Variants in SCAF8 observed in about 807,000 individuals in gnomAD.
SCAF8 encodes the protein SR-related and CTD-associated factor 8.
Under a neutral mutation model 140.5 loss-of-function variants are expected in SCAF8, and 23 were observed. The ratio of observed to expected loss-of-function variants is 0.16; its 90% CI spans 0.12 to 0.23. The LOEUF is 0.23. SCAF8 is among the 10% of genes least tolerant of loss of function. The pLI is 1.00. For synonymous variants in SCAF8, 575 were observed against 528.9 expected, an observed-to-expected ratio of 1.09 and a Z score of -1.20; for missense variants, 1,397 against 1,555.7, an observed-to-expected ratio of 0.90 and a Z score of 1.72.
At chr6:154,737,834 C>A (rs1778466123) in intron 1 of SCAF8, among the ~76,000 whole-genome samples, 1 of 152,114 alleles carries the variant, frequency 6.6e-6, no homozygotes, top group African/African-American at 2.4e-5. Flanking sequence ...CTGCCCACCT[C>A]CCCTCCCAAA....
intron 7 of SCAF8, among the ~76,000 whole-genome samples, 173 bp downstream of exon 7, chr6:154,802,320 T>C (rs189968176): frequency 4.7e-4 from 71 of 152,118 alleles, no homozygotes; most frequent in Non-Finnish European, 9.4e-4. Context: ...ATTAAGTAAT[T>C]AAAAAAATTT....
intron 1 of SCAF8, among the ~76,000 whole-genome samples, chr6:154,743,370 A>G (rs1481533478): frequency 6.6e-6 from 1 of 152,232 alleles, no homozygotes; most frequent in African/African-American, 2.4e-5. Context: ...TACAGCTTTA[A>G]GAATGTTTTC....
intron 1 of SCAF8, among the ~76,000 whole-genome samples, chr6:154,734,551 A>G (rs567240429): frequency 2.0e-5 from 3 of 152,332 alleles, no homozygotes; most frequent in African/African-American, 4.8e-5. Flanking sequence ...CTAATCCATC[A>G]CGACATAAAG....
chr6:154,809,028 G>A (rs1258555069), intron 11 of SCAF8, among the ~76,000 whole-genome samples: 1 of 152,088 alleles, frequency 6.6e-6, no homozygotes, highest in Non-Finnish European at 1.5e-5. Flanking sequence ...TCATGAGACA[G>A]GGATTTTGAA....
At chr6:154,737,429 C>A (rs1778452726) in intron 1 of SCAF8, among the ~76,000 whole-genome samples, 2 of 152,012 alleles carry the variant, frequency 1.3e-5, no homozygotes, top group South Asian at 4.1e-4. Context: ...TAATCCCATC[C>A]CTTTGGGAGG....
Position 154,742,009 on chromosome 6 carries a change from A to C in SCAF8, c.30+8079A>C, listed in dbSNP as rs1778582906. 6 of 1,532,456 alleles carry C rather than the reference A, an allele frequency of 3.9e-6. No individual in the cohort carries two copies. The East Asian group carries it at 1.5e-4, about 38-fold the overall frequency. The allele number at this position is 1,532,456 out of a possible 1,614,324, so 94.9% of individuals were successfully genotyped here. The stretch of plus-strand genomic sequence containing the variant: ...ACTGCTTTTCCAGCAGCATGGACAC[A>C]AGAAGCATAGTAAGATGATGATAAC... On this transcript the variant is annotated intron_variant, in intron 1 of 19. Transcript: ENST00000367178.
At chr6:154,737,141 C>T (rs1314555056) in intron 1 of SCAF8, among the ~76,000 whole-genome samples, 3 of 151,918 alleles carry the variant, frequency 2.0e-5, no homozygotes, top group Non-Finnish European at 4.4e-5. Context: ...TTACAAATTA[C>T]AAAAATTAAA....
chr6:154,763,721 G>T (rs1776469686), intron 1 of SCAF8, among the ~76,000 whole-genome samples: 2 of 151,908 alleles, frequency 1.3e-5, no homozygotes, highest in Non-Finnish European at 2.9e-5. Flanking sequence ...CTCTCCAGGG[G>T]TGTGAGATTG....
chr6:154,737,529 A>ACACAAATTAG (rs1297541286), intron 1 of SCAF8, among the ~76,000 whole-genome samples: 1 of 151,758 alleles, frequency 6.6e-6, no homozygotes, highest in Non-Finnish European at 1.5e-5. Flanking sequence ...AACAACAACA[A>ACACAAATTAG]CACAAATTAG....
chr6:154,774,728 G>C (rs1209034892), intron 2 of SCAF8, among the ~76,000 whole-genome samples: 1 of 152,134 alleles, frequency 6.6e-6, no homozygotes, highest in Non-Finnish European at 1.5e-5. Context: ...TTTAACCTTT[G>C]CTCTCATAAA....
intron 12 of SCAF8, 33 bp from the exon 13 acceptor site, chr6:154,815,683 G>T: frequency 8.0e-7 from 1 of 1,243,914 alleles, no homozygotes; most frequent in South Asian, 1.2e-5. Flanking sequence ...ATGTCTAAAT[G>T]ATTTAGGTCA....
intron 1 of SCAF8, among the ~76,000 whole-genome samples, chr6:154,762,480 A>G (rs1776434115): frequency 6.6e-6 from 1 of 152,088 alleles, no homozygotes; most frequent in African/African-American, 2.4e-5. Flanking sequence ...GTCTACTACA[A>G]TAGTTATCAT....
chr6:154,754,082 A>G (rs1048496857), intron 1 of SCAF8, among the ~76,000 whole-genome samples: 2 of 152,220 alleles, frequency 1.3e-5, no homozygotes, highest in Non-Finnish European at 2.9e-5. Context: ...GAGTTAGTCT[A>G]TTTTAATACT....
intron 15 of SCAF8, among the ~76,000 whole-genome samples, chr6:154,821,146 A>G (rs1778411245): frequency 6.6e-6 from 1 of 152,190 alleles, no homozygotes; most frequent in African/African-American, 2.4e-5. Context: ...AATTTTAGGA[A>G]CTGGAATTAT....
chr6:154,821,143 G>A (rs1271318563), intron 15 of SCAF8, among the ~76,000 whole-genome samples: 1 of 152,034 alleles, frequency 6.6e-6, no homozygotes, highest in African/African-American at 2.4e-5. Flanking sequence ...CCCAATTTTA[G>A]GAACTGGAAT....
rs764804732 is a variant in SCAF8, at chr6:154,832,610, G to A, written c.3031G>A (p.Glu1011Lys). The stretch of plus-strand genomic sequence containing the variant: ...ACTTGGGAATGATAACATTCAACAG[G>A]AAGGAGATAGAGATTACCGGTTTCC... ...IPLGNDNIQQ[E>K]GDRDYRFPPI... The change falls in exon 20 of 20, where the codon GAA (glutamate) becomes AAA (lysine). Residue 1011 changes from glutamate (E) to lysine (K), a missense_variant. Around this residue, in one of 5 missense-constraint regions of SCAF8, gnomAD observed 930 missense variants for 874.6 expected, o/e 1.06. Coordinates refer to ENST00000367178, the MANE Select transcript of SCAF8 (RefSeq NM_014892.5). 2 of 1,614,108 alleles carry A rather than the reference G, an allele frequency of 1.2e-6. No individual in the cohort carries two copies. The highest frequency in any genetic ancestry group is 2.2e-5 in the East Asian group (1 of 44,880).
intron 16 of SCAF8, among the ~76,000 whole-genome samples, chr6:154,823,786 C>G (rs1193943567): frequency 2.0e-5 from 3 of 152,094 alleles, no homozygotes; most frequent in Non-Finnish European, 2.9e-5. Flanking sequence ...AGCTGTGGTG[C>G]AGATGAATAC....
At chr6:154,806,688 A>G (rs949529332) in intron 9 of SCAF8, among the ~76,000 whole-genome samples, 6 of 152,222 alleles carry the variant, frequency 3.9e-5, no homozygotes, top group Non-Finnish European at 8.8e-5. Context: ...TGCAAACAGT[A>G]ATATAAAATG....
Position 154,733,681 on chromosome 6 carries a change from T to TC in SCAF8, c.-214dup, listed in dbSNP as rs1183197160. 6.5e-6 allele frequency: 8 copies of TC among 1,228,898 alleles called. No homozygotes were observed. The highest frequency in any genetic ancestry group is 6.1e-6 in the Non-Finnish European group (6 of 986,330). 76.1% of individuals were successfully genotyped at this position (1,228,898 alleles called of 1,614,324 possible). The stretch of plus-strand genomic sequence containing the variant: ...GCGCCTCTGTTCCCTAGAACGGCGC[T>TC]CCCCCCGCCCTAGCGGCCATGCCGG... On this transcript the variant is annotated 5_prime_UTR_variant, in exon 1 of 20. Transcript: ENST00000367178.
Sources: allele counts gnomAD v4.1 joint callset (sites outside exome capture counted in the v4.1 genomes callset), GRCh38; gene constraint gnomAD v4.1.1; regional missense constraint gnomAD v4.1.1; transcripts MANE v1.5; gene names NCBI Gene and HGNC (gene_info 2026-07-23, HGNC 2026-07-21).